The following ANKRD31 variants were observed in gnomAD, a reference collection of about 807,000 sequenced individuals.
ANKRD31 encodes ankyrin repeat domain 31.
Under a neutral mutation model 186.0 loss-of-function variants are expected in ANKRD31, and 147 were observed. The ratio of observed to expected loss-of-function variants is 0.79; its 90% confidence interval spans 0.69 to 0.91. The LOEUF (loss-of-function observed/expected upper bound fraction) is 0.91. ANKRD31 is among the 40% of genes least tolerant of loss of function. The probability of loss-of-function intolerance (pLI) is 0.00; values close to 1 mark genes in which losing one functional copy is unlikely to be tolerated. For missense variants in ANKRD31, 1,986 were observed against 2,148.8 expected (o/e 0.92, Z 1.50); for synonymous variants, 673 against 736.4 (o/e 0.91, Z 1.39).
intron 24 of ANKRD31, among the ~76,000 whole-genome samples, chr5:75,083,468 C>T (rs545104583): frequency 6.6e-6 from 1 of 152,306 alleles, no homozygotes; most frequent in South Asian, 2.1e-4. Context: ...GTGGCTCACA[C>T]CTGTAATCCC....
chr5:75,191,541 C>T (rs1448439580), intron 9 of ANKRD31, among the ~76,000 whole-genome samples: 1 of 151,990 alleles, frequency 6.6e-6, no homozygotes, highest in African/African-American at 2.4e-5. Context: ...CTCATAGCTA[C>T]TCTCTATCAC....
chr5:75,219,458 G>A (rs1757157058), intron 3 of ANKRD31, among the ~76,000 whole-genome samples: 1 of 152,114 alleles, frequency 6.6e-6, no homozygotes, highest in East Asian at 1.9e-4. Flanking sequence ...CAGCTAACTA[G>A]GGAGGTGAAA....
rs1340412573 is a variant in ANKRD31, at chr5:75,104,477, A to G, written c.5082T>C (p.His1694=). Residue 1694 remains histidine, a synonymous_variant, in exon 22 of 26, where the codon CAT becomes CAC. Transcript: ENST00000506364. ...CACTGCCTAAGACAGCAATCCCTTG[A>G]TGTGCCAGAGATTCTGATGCCCCTG... is the stretch of plus-strand genomic sequence containing the variant. ...SPTGASESLA[H]QGIAVLGSDT... The G allele has an allele frequency of 1.3e-6, 2 of 1,537,208 alleles. No individual in the cohort carries two copies. Among genetic ancestry groups the G allele is most frequent in the African/African-American group, 2.7e-5 (2 of 73,154 alleles).
At chr5:75,081,759 G>A (rs551591869) in intron 24 of ANKRD31, among the ~76,000 whole-genome samples, 3 of 150,528 alleles carry the variant, frequency 2.0e-5, no homozygotes, top group East Asian at 1.9e-4. Context: ...CAACGGGGGC[G>A]GAGAGAGAGA....
At chr5:75,122,467 CACAA>C (rs907411540) in intron 17 of ANKRD31, among the ~76,000 whole-genome samples, 12 of 151,576 alleles carry the variant, frequency 7.9e-5, no homozygotes, top group Non-Finnish European at 1.8e-4. Flanking sequence ...CTGACAAGAA[CACAA>C]ACAAACAGAA....
chr5:75,099,331 G>T (rs1197846507), intron 22 of ANKRD31, among the ~76,000 whole-genome samples: 2 of 152,166 alleles, frequency 1.3e-5, no homozygotes, highest in African/African-American at 2.4e-5. Context: ...GATTCAGTTT[G>T]CCAGTATTTT....
intron 17 of ANKRD31, among the ~76,000 whole-genome samples, chr5:75,127,830 T>G (rs1211935280): frequency 6.6e-6 from 1 of 152,222 alleles, no homozygotes; most frequent in Non-Finnish European, 1.5e-5. Flanking sequence ...AGGTATTCAG[T>G]GTAAAGGTGT....
intron 17 of ANKRD31, among the ~76,000 whole-genome samples, chr5:75,134,401 T>C (rs9678699): frequency 0.034 from 5,175 of 151,756 alleles, 291 homozygotes; most frequent in African/African-American, 0.12. Flanking sequence ...CGCAAATAAA[T>C]AAGAAAATCT....
At chr5:75,216,276 C>T (rs1390619002) in intron 3 of ANKRD31, among the ~76,000 whole-genome samples, 1 of 152,100 alleles carries the variant, frequency 6.6e-6, no homozygotes, top group Non-Finnish European at 1.5e-5. Flanking sequence ...AATTGGAAGG[C>T]TTTTGAAAAC....
At chr5:75,181,921 A>G (rs1754338080) in intron 10 of ANKRD31, among the ~76,000 whole-genome samples, 1 of 151,980 alleles carries the variant, frequency 6.6e-6, no homozygotes, top group South Asian at 2.1e-4. Flanking sequence ...CATGTTGAAC[A>G]TGGTAGACTC....
chr5:75,096,277 CT>C, intron 22 of ANKRD31, among the ~76,000 whole-genome samples: 1 of 152,182 alleles, frequency 6.6e-6, no homozygotes, highest in South Asian at 2.1e-4. Context: ...TGATGTTGAG[CT>C]TTTTTTGGTG....
chr5:75,197,687 C>T (rs996808605), intron 6 of ANKRD31, among the ~76,000 whole-genome samples: 1 of 152,162 alleles, frequency 6.6e-6, no homozygotes, highest in Non-Finnish European at 1.5e-5. Flanking sequence ...ATTTGAAGTC[C>T]TCGCACCAGG....
chr5:75,096,659 TA>T (rs869193548), intron 22 of ANKRD31, among the ~76,000 whole-genome samples: 18 of 150,980 alleles, frequency 1.2e-4, no homozygotes, highest in Admixed American at 1.1e-3. Context: ...AATCCACCTT[TA>T]AAAAAATTTT....
rs1751448678 is a variant in ANKRD31, at chr5:75,146,506, G to C, written c.2905C>G (p.Gln969Glu). ...KAVSLTTLPE[Q>E]EAVNFSYSDN... is the part of the protein sequence containing the mutation. ...GAATAAGAAAAATTAACAGCTTCCT[G>C]TTCTGGAAGTGTGGTTAGGCTGACT... The change falls in exon 14 of 26, where the codon CAG (glutamine) becomes GAG (glutamate). Residue 969 changes from glutamine to glutamate, a missense_variant. Transcript: ENST00000506364. 4 of 1,536,532 alleles carry C rather than the reference G, an allele frequency of 2.6e-6. No individual in the cohort carries two copies. The highest frequency in any genetic ancestry group is 1.7e-4 in the Middle Eastern group (1 of 5,976).
At chr5:75,180,612 T>G (rs929394600) in intron 10 of ANKRD31, among the ~76,000 whole-genome samples, 2 of 152,070 alleles carry the variant, frequency 1.3e-5, no homozygotes, top group African/African-American at 4.8e-5. Flanking sequence ...TTGACAAACC[T>G]GACAAAAATA....
intron 10 of ANKRD31, among the ~76,000 whole-genome samples, chr5:75,175,380 TAAA>T (rs1261785291): frequency 1.3e-5 from 2 of 151,908 alleles, no homozygotes; most frequent in Non-Finnish European, 2.9e-5. Context: ...TCAAGTATAT[TAAA>T]AAAAGAATAG....
intron 22 of ANKRD31, 33 bp downstream of exon 22, chr5:75,104,195 T>C: frequency 7.1e-7 from 1 of 1,413,630 alleles, no homozygotes; most frequent in Non-Finnish European, 9.3e-7. Flanking sequence ...TTTATAAAAT[T>C]TGCATGATTT....
At chr5:75,077,215 T>C (rs1044175167) in intron 25 of ANKRD31, among the ~76,000 whole-genome samples, 1 of 152,070 alleles carries the variant, frequency 6.6e-6, no homozygotes, top group African/African-American at 2.4e-5. Flanking sequence ...ACCACAGACA[T>C]GCCCCACCAT....
At chr5:75,131,703 A>G (rs559866585) in intron 17 of ANKRD31, among the ~76,000 whole-genome samples, 1 of 152,318 alleles carries the variant, frequency 6.6e-6, no homozygotes, top group Non-Finnish European at 1.5e-5. Flanking sequence ...GAACGGACAG[A>G]CTGCCTCCTC....
Sources: allele counts gnomAD v4.1 joint callset (sites outside exome capture counted in the v4.1 genomes callset), GRCh38; gene constraint gnomAD v4.1.1; transcripts MANE v1.5; gene names NCBI Gene and HGNC (gene_info 2026-07-23, HGNC 2026-07-21).